Variants in ADAMTS17 observed in about 807,000 individuals in gnomAD.
ADAMTS17 encodes the protein A disintegrin and metalloproteinase with thrombospondin motifs 17.
In ADAMTS17, 113 loss-of-function variants were observed where a neutral mutation model predicts 141.5. The ratio of observed to expected loss-of-function variants is 0.80; its 90% CI spans 0.69 to 0.93. The LOEUF is 0.93. Among genes scored for constraint, ADAMTS17 ranks in the 40% least tolerant of loss-of-function variants. The pLI is 0.00. For missense variants in ADAMTS17, 1,659 were observed against 1,517.9 expected, an observed-to-expected ratio of 1.09 and a Z score of -1.54; for synonymous variants, 768 against 630.6, an observed-to-expected ratio of 1.22 and a Z score of -3.27.
intron 7 of ADAMTS17, among the ~76,000 whole-genome samples, chr15:100,209,575 T>C (rs2041720933): frequency 6.7e-6 from 1 of 150,046 alleles, no homozygotes; most frequent in Non-Finnish European, 1.5e-5. Flanking sequence ...GCTGACAGGA[T>C]ATAAAAATGA....
At chr15:99,983,063 C>T (rs752855981) in intron 20 of ADAMTS17, among the ~76,000 whole-genome samples, 3 of 152,058 alleles carry the variant, frequency 2.0e-5, no homozygotes, top group African/African-American at 4.8e-5. Flanking sequence ...GTAGAGTTTC[C>T]GGCAAAAAGA....
intron 3 of ADAMTS17, among the ~76,000 whole-genome samples, chr15:100,328,964 G>C (rs1330615784): frequency 6.6e-6 from 1 of 152,168 alleles, no homozygotes; most frequent in Non-Finnish European, 1.5e-5. Context: ...TGGCCCACAG[G>C]TGCTATTCCT....
chr15:100,161,569 G>T (rs146811543), intron 8 of ADAMTS17, among the ~76,000 whole-genome samples: 2 of 152,178 alleles, frequency 1.3e-5, no homozygotes, highest in African/African-American at 4.8e-5. Flanking sequence ...TAACTGGAAT[G>T]GCCCATGGCA....
chr15:100,077,826 C>T (rs1326848998), intron 15 of ADAMTS17, among the ~76,000 whole-genome samples: 1 of 152,152 alleles, frequency 6.6e-6, no homozygotes, highest in Non-Finnish European at 1.5e-5. Flanking sequence ...AAAATTATCT[C>T]TATTTGCAGA....
At chr15:100,014,087 T>G (rs2061241086) in intron 18 of ADAMTS17, among the ~76,000 whole-genome samples, 1 of 152,192 alleles carries the variant, frequency 6.6e-6, no homozygotes, top group Non-Finnish European at 1.5e-5. Context: ...GTTCAGGGTA[T>G]GCAATTCTTC....
At chr15:100,047,934 A>G (rs116783510) in intron 18 of ADAMTS17, among the ~76,000 whole-genome samples, 97 of 152,314 alleles carry the variant, frequency 6.4e-4, no homozygotes, top group Admixed American at 2.0e-3. Flanking sequence ...TAATTTGGCA[A>G]GGAGCACAGA....
At chr15:100,063,761 T>C in intron 15 of ADAMTS17, 2 of 1,289,986 alleles carry the variant, frequency 1.6e-6, no homozygotes. Flanking sequence ...CGATATAACC[T>C]GTAGCAACAA....
At chr15:100,047,694 T>C (rs1284672100) in intron 18 of ADAMTS17, among the ~76,000 whole-genome samples, 1 of 152,170 alleles carries the variant, frequency 6.6e-6, no homozygotes, top group African/African-American at 2.4e-5. Context: ...CCCTATTTTC[T>C]AATCACTTCA....
intron 8 of ADAMTS17, among the ~76,000 whole-genome samples, chr15:100,156,668 G>C (rs1486279680): frequency 6.6e-6 from 1 of 152,158 alleles, no homozygotes; most frequent in Non-Finnish European, 1.5e-5. Context: ...ACACCAAGTT[G>C]TTGTTCTCAT....
intron 7 of ADAMTS17, among the ~76,000 whole-genome samples, chr15:100,221,195 A>G (rs561509095): frequency 6.6e-6 from 1 of 152,104 alleles, no homozygotes; most frequent in East Asian, 1.9e-4. Context: ...CTTCTCAATT[A>G]AATAACACAA....
In ADAMTS17 at chr15:100,338,523, A is replaced by G. The variant is rs74561836; in HGVS notation, c.450+2516T>C. Among the ~76,000 whole-genome samples the G allele has an allele frequency of 1.5e-3, 234 of 152,344 alleles. 7 individuals are homozygous for G. In the East Asian group the frequency reaches 0.041, roughly 27 times the overall value. On this transcript the variant is annotated intron_variant, in intron 2 of 21. Transcript: ENST00000268070. The stretch of plus-strand genomic sequence containing the variant: ...TCGCTCGTATGCCATCCGTAGCTGT[A>G]GCTGCTTTCACACTGAAAGGGCAGC...
At chr15:100,283,299 C>G (rs1211810229) in intron 3 of ADAMTS17, among the ~76,000 whole-genome samples, 2 of 152,206 alleles carry the variant, frequency 1.3e-5, no homozygotes, top group Non-Finnish European at 2.9e-5. Flanking sequence ...AAATCAAGGT[C>G]CTAGGTGGCT....
intron 8 of ADAMTS17, among the ~76,000 whole-genome samples, chr15:100,192,084 C>G (rs1333839736): frequency 6.6e-6 from 1 of 152,196 alleles, no homozygotes; most frequent in South Asian, 2.1e-4. Flanking sequence ...AAGGCCTGCA[C>G]GTTTTGAACA....
chr15:100,144,790 C>G (rs4965283), intron 10 of ADAMTS17, among the ~76,000 whole-genome samples: 98,508 of 149,992 alleles, frequency 0.66, 33,773 homozygotes, highest in East Asian at 0.85. Flanking sequence ...ATGAGAAACG[C>G]CACCCCCGAG....
intron 18 of ADAMTS17, among the ~76,000 whole-genome samples, chr15:100,030,565 T>G (rs1174704116): frequency 6.6e-6 from 1 of 152,158 alleles, no homozygotes; most frequent in Non-Finnish European, 1.5e-5. Flanking sequence ...CGGGTTTGAA[T>G]GATGCTGAGA....
At chr15:99,990,534 G>A (rs554737325) in intron 20 of ADAMTS17, among the ~76,000 whole-genome samples, 2 of 152,246 alleles carry the variant, frequency 1.3e-5, no homozygotes, top group East Asian at 3.9e-4. Context: ...AAATAGGAAG[G>A]AGGTGTTTTA....
At chr15:100,219,888 G>C (rs911610054) in intron 7 of ADAMTS17, among the ~76,000 whole-genome samples, 5 of 152,112 alleles carry the variant, frequency 3.3e-5, no homozygotes, top group Non-Finnish European at 7.3e-5. Flanking sequence ...TTTCCACTGA[G>C]CATTCTTTAT....
chr15:100,302,680 T>C (rs575129290), intron 3 of ADAMTS17, among the ~76,000 whole-genome samples: 1 of 152,364 alleles, frequency 6.6e-6, no homozygotes, highest in African/African-American at 2.4e-5. Flanking sequence ...TATTGTCTAT[T>C]TGTATACCTT....
At chr15:100,245,430 C>G (rs1261165809) in intron 7 of ADAMTS17, among the ~76,000 whole-genome samples, 1 of 152,232 alleles carries the variant, frequency 6.6e-6, no homozygotes, top group Admixed American at 6.5e-5. Context: ...CTTTCCAGCC[C>G]AAAAGGCATT....
Sources: allele counts gnomAD v4.1 joint callset (sites outside exome capture counted in the v4.1 genomes callset), GRCh38; gene constraint gnomAD v4.1.1; transcripts MANE v1.5; gene names NCBI Gene and HGNC (gene_info 2026-07-23, HGNC 2026-07-21).